SNTG1: variants seen among roughly 807,000 people sequenced by gnomAD.
SNTG1 encodes syntrophin gamma 1, also known as gamma-1-syntrophin.
SNTG1 carries 39 observed loss-of-function variants against 74.7 expected under a neutral mutation model. The ratio of observed to expected loss-of-function variants is 0.52; its 90% CI spans 0.40 to 0.68. SNTG1 has a LOEUF of 0.68. Among genes scored for constraint, SNTG1 ranks in the 30% least tolerant of loss-of-function variants. The pLI is 0.00. For missense variants in SNTG1, 685 were observed against 609.5 expected (o/e 1.12, Z -1.30); for synonymous variants, 254 against 217.1 (o/e 1.17, Z -1.49).
intron 12 of SNTG1, among the ~76,000 whole-genome samples, chr8:50,558,867 G>T (rs1317445839): frequency 2.0e-4 from 30 of 151,658 alleles, no homozygotes. Flanking sequence ...AAATATTCAG[G>T]GTACTTTTAA....
chr8:50,388,032 G>A (rs1488461236), intron 2 of SNTG1, among the ~76,000 whole-genome samples: 5 of 152,118 alleles, frequency 3.3e-5, no homozygotes, highest in African/African-American at 1.2e-4. Context: ...ACTTTGCTAA[G>A]CTGGGGTTTA....
At chr8:50,215,333 C>G (rs1284866671) in intron 2 of SNTG1, among the ~76,000 whole-genome samples, 1 of 149,808 alleles carries the variant, frequency 6.7e-6, no homozygotes, top group African/African-American at 2.4e-5. Context: ...ATATTGGATA[C>G]CTCAGTTTGA....
intron 8 of SNTG1, among the ~76,000 whole-genome samples, chr8:50,465,842 C>T (rs2093604876): frequency 6.6e-6 from 1 of 152,102 alleles, no homozygotes; most frequent in African/African-American, 2.4e-5. Context: ...ATCCATTCAC[C>T]TGTTGAAGGG....
chr8:50,309,976 G>C (rs2090044427), intron 2 of SNTG1, among the ~76,000 whole-genome samples: 1 of 152,246 alleles, frequency 6.6e-6, no homozygotes, highest in South Asian at 2.1e-4. Flanking sequence ...AAAAAATTCA[G>C]TGTCTATGTG....
intron 8 of SNTG1, among the ~76,000 whole-genome samples, chr8:50,484,179 TCC>T (rs1218783648): frequency 1.8e-5 from 2 of 113,836 alleles, no homozygotes; most frequent in African/African-American, 2.9e-5. Flanking sequence ...CTTCCTTCCT[TCC>T]TTCCTTCCTT....
intron 1 of SNTG1, among the ~76,000 whole-genome samples, chr8:50,013,652 A>G (rs1816040080): frequency 6.6e-6 from 1 of 152,132 alleles, no homozygotes; most frequent in Non-Finnish European, 1.5e-5. Context: ...TCTGTGGGAT[A>G]CATAGTGATG....
chr8:50,467,583 C>A (rs555154423), intron 8 of SNTG1, among the ~76,000 whole-genome samples: 269 of 151,924 alleles, frequency 1.8e-3, no homozygotes, highest in African/African-American at 6.2e-3. Flanking sequence ...TTTCAAAAAA[C>A]AAGCATTATG....
At chr8:50,433,819 G>T (rs185144705) in intron 4 of SNTG1, among the ~76,000 whole-genome samples, 1 of 152,112 alleles carries the variant, frequency 6.6e-6, no homozygotes, top group Admixed American at 6.6e-5. Flanking sequence ...GAAAAAAGTC[G>T]AGGGCATAGT....
At chr8:50,350,456 T>C (rs1225383963) in intron 2 of SNTG1, among the ~76,000 whole-genome samples, 3 of 152,232 alleles carry the variant, frequency 2.0e-5, no homozygotes, top group African/African-American at 7.2e-5. Context: ...GCACTCTGTA[T>C]CTAGTTCAAA....
At chr8:50,345,321 A>T (rs2091439767) in intron 2 of SNTG1, among the ~76,000 whole-genome samples, 1 of 152,174 alleles carries the variant, frequency 6.6e-6, no homozygotes, top group African/African-American at 2.4e-5. Flanking sequence ...AAAGCTGGCA[A>T]GGTGCATGTC....
At chr8:50,300,604 C>A (rs2089602891) in intron 2 of SNTG1, among the ~76,000 whole-genome samples, 1 of 149,874 alleles carries the variant, frequency 6.7e-6, no homozygotes, top group Non-Finnish European at 1.5e-5. Flanking sequence ...TAAATTTTTC[C>A]CATGGAAGAA....
intron 2 of SNTG1, among the ~76,000 whole-genome samples, chr8:50,240,754 C>T (rs1210180482): frequency 2.0e-5 from 3 of 152,000 alleles, no homozygotes; most frequent in Non-Finnish European, 2.9e-5. Context: ...TAGCATAATG[C>T]TTAAACAAAG....
chr8:50,234,871 G>A (rs2085810427), intron 2 of SNTG1, among the ~76,000 whole-genome samples: 1 of 151,982 alleles, frequency 6.6e-6, no homozygotes, highest in Non-Finnish European at 1.5e-5. Flanking sequence ...AATAAGAAAA[G>A]GAGGACAACA....
chr8:49,959,665 G>C (rs1463805826), intron 1 of SNTG1, among the ~76,000 whole-genome samples: 1 of 152,150 alleles, frequency 6.6e-6, no homozygotes, highest in Non-Finnish European at 1.5e-5. Context: ...CCATTATATG[G>C]AAATGCCACA....
intron 1 of SNTG1, among the ~76,000 whole-genome samples, chr8:50,009,680 G>T (rs1232564793): frequency 6.6e-6 from 1 of 152,168 alleles, no homozygotes; most frequent in Non-Finnish European, 1.5e-5. Flanking sequence ...GTTGCAAAGT[G>T]TCAAGTATTA....
chr8:50,093,204 T>C (rs373674879), intron 1 of SNTG1, among the ~76,000 whole-genome samples: 79 of 152,186 alleles, frequency 5.2e-4, no homozygotes, highest in African/African-American at 1.8e-3. Context: ...AATATACATA[T>C]CCAAATGACC....
intron 13 of SNTG1, among the ~76,000 whole-genome samples, chr8:50,618,092 C>T (rs975929192): frequency 2.6e-5 from 4 of 152,254 alleles, no homozygotes; most frequent in East Asian, 3.9e-4. Flanking sequence ...TACTTATCTT[C>T]GCCTAAGTTG....
intron 9 of SNTG1, among the ~76,000 whole-genome samples, chr8:50,524,897 C>G (rs1312085248): frequency 6.6e-6 from 1 of 152,084 alleles, no homozygotes. Context: ...CATTTAAATT[C>G]TGTACCACAA....
At chr8:50,221,418 C>T (rs535216196) in intron 2 of SNTG1, among the ~76,000 whole-genome samples, 45 of 150,888 alleles carry the variant, frequency 3.0e-4, no homozygotes, top group Non-Finnish European at 4.1e-4. Context: ...ATAAGATCAA[C>T]GTGGCAAAAT....
Sources: gnomAD v4.1 joint callset for allele counts (sites outside exome capture counted in the v4.1 genomes callset) on GRCh38, gnomAD v4.1.1 for gene constraint, MANE v1.5 for transcripts, NCBI Gene and HGNC (gene_info 2026-07-23, HGNC 2026-07-21) for gene names.